Variants in NRXN1 observed in about 807,000 individuals in gnomAD.
NRXN1 encodes the protein neurexin 1, also known as neurexin-1.
In NRXN1, 39 loss-of-function variants were observed where a neutral mutation model predicts 150.9. The observed-to-expected ratio is 0.26, with a 90% CI of 0.20 to 0.34. The LOEUF (loss-of-function observed/expected upper bound fraction) is 0.34, where lower values mean the gene tolerates loss of function less well. Among genes scored for constraint, NRXN1 ranks in the 10% least tolerant of loss-of-function variants. The probability of loss-of-function intolerance (pLI) is 1.00; values close to 1 mark genes in which losing one functional copy is unlikely to be tolerated. For missense variants in NRXN1, 1,815 were observed against 1,949.9 expected, an observed-to-expected ratio of 0.93 and a Z score of 1.30; for synonymous variants, 924 against 757.0, an observed-to-expected ratio of 1.22 and a Z score of -3.62.
chr2:50,912,212 G>C (rs1454132158), intron 5 of NRXN1: 1 of 151,798 alleles, frequency 6.6e-6, no homozygotes, highest in Non-Finnish European at 1.5e-5. Context: ...CTGGGGGAAG[G>C]AGTGATCTCT....
At chr2:50,881,870 T>C (rs1454909006) in intron 5 of NRXN1, among the ~76,000 whole-genome samples, 1 of 151,782 alleles carries the variant, frequency 6.6e-6, no homozygotes, top group East Asian at 1.9e-4. Flanking sequence ...CAGGAGTTAA[T>C]GGAGTTTGCC....
intron 12 of NRXN1, among the ~76,000 whole-genome samples, chr2:50,513,918 G>A (rs373507558): frequency 2.4e-4 from 37 of 152,230 alleles, no homozygotes; most frequent in African/African-American, 8.4e-4. Context: ...CCTTTAGGTA[G>A]CTTTCTCCCT....
At chr2:50,001,662 C>A (rs562668822) in intron 21 of NRXN1, among the ~76,000 whole-genome samples, 2 of 152,024 alleles carry the variant, frequency 1.3e-5, no homozygotes, top group East Asian at 3.9e-4. Context: ...AAGGTAAAAA[C>A]GAAATGGGTT....
intron 17 of NRXN1, among the ~76,000 whole-genome samples, chr2:50,286,103 T>C (rs966651822): frequency 1.3e-5 from 2 of 152,176 alleles, no homozygotes; most frequent in African/African-American, 4.8e-5. Context: ...CTAGCCAATT[T>C]ACATGTTACC....
At chr2:50,271,373 G>A (rs947153607) in intron 17 of NRXN1, among the ~76,000 whole-genome samples, 3 of 152,168 alleles carry the variant, frequency 2.0e-5, no homozygotes, top group Non-Finnish European at 4.4e-5. Flanking sequence ...AGTGATAATT[G>A]TCATATTCCT....
At chr2:50,684,781 T>C (rs557911535) in intron 5 of NRXN1, among the ~76,000 whole-genome samples, 1 of 152,326 alleles carries the variant, frequency 6.6e-6, no homozygotes, top group African/African-American at 2.4e-5. Flanking sequence ...CCCTGAAATC[T>C]TACTTTCCCT....
At chr2:50,195,252 C>T (rs1465913775) in intron 18 of NRXN1, among the ~76,000 whole-genome samples, 1 of 152,120 alleles carries the variant, frequency 6.6e-6, no homozygotes, top group Non-Finnish European at 1.5e-5. Flanking sequence ...TGGGTCCAAG[C>T]GAACCTCATC....
At chr2:50,578,616 C>T (rs114405145) in intron 8 of NRXN1, among the ~76,000 whole-genome samples, 2,159 of 152,134 alleles carry the variant, frequency 0.014, 30 homozygotes, top group Middle Eastern at 0.058. Flanking sequence ...TGTAGCTGTG[C>T]ATGTGTGTAT....
At chr2:50,890,815 T>C (rs1680933438) in intron 5 of NRXN1, among the ~76,000 whole-genome samples, 1 of 151,978 alleles carries the variant, frequency 6.6e-6, no homozygotes, top group African/African-American at 2.4e-5. Flanking sequence ...ACGACTGTAG[T>C]GAAACAACTG....
intron 17 of NRXN1, among the ~76,000 whole-genome samples, chr2:50,450,264 T>C (rs543987816): frequency 6.6e-6 from 1 of 152,304 alleles, no homozygotes; most frequent in South Asian, 2.1e-4. Context: ...CACACAATTG[T>C]GCCTTTCCTC....
At chr2:50,459,913 C>A (rs2087987190) in intron 17 of NRXN1, among the ~76,000 whole-genome samples, 1 of 152,032 alleles carries the variant, frequency 6.6e-6, no homozygotes, top group Non-Finnish European at 1.5e-5. Flanking sequence ...CCCCATCCTG[C>A]CTTGATTCTG....
At chr2:50,519,852 C>G (rs1054411214) in intron 12 of NRXN1, among the ~76,000 whole-genome samples, 1 of 151,828 alleles carries the variant, frequency 6.6e-6, no homozygotes, top group Non-Finnish European at 1.5e-5. Context: ...TTTTTCCTCC[C>G]TATTATATGT....
At chr2:49,997,278 T>G (rs573915843) in intron 21 of NRXN1, among the ~76,000 whole-genome samples, 2 of 152,166 alleles carry the variant, frequency 1.3e-5, no homozygotes, top group Non-Finnish European at 2.9e-5. Flanking sequence ...AGTGTGACTA[T>G]TGACCATTGG....
chr2:50,683,646 A>AAAAAAAAAAAAAAAAAAATAT, intron 5 of NRXN1, among the ~76,000 whole-genome samples: 2 of 14,906 alleles, frequency 1.3e-4, no homozygotes, highest in African/African-American at 7.2e-4. Context: ...AAAAAAAAAA[A>AAAAAAAAAAAAAAAAAAATAT]ATATATATAT....
intron 5 of NRXN1, among the ~76,000 whole-genome samples, chr2:50,627,493 T>C (rs1401445748): frequency 6.6e-6 from 1 of 151,474 alleles, no homozygotes; most frequent in African/African-American, 2.4e-5. Context: ...GCTGGGACTA[T>C]TGGTTATCTA....
At chr2:49,939,516 T>C (rs1671610766) in intron 22 of NRXN1, among the ~76,000 whole-genome samples, 1 of 152,214 alleles carries the variant, frequency 6.6e-6, no homozygotes, top group Non-Finnish European at 1.5e-5. Context: ...ATGCTAACTG[T>C]GCAGGACAGT....
chr2:50,067,947 T>A (rs2152660070), intron 19 of NRXN1, among the ~76,000 whole-genome samples: 1 of 152,306 alleles, frequency 6.6e-6, no homozygotes, highest in East Asian at 1.9e-4. Context: ...ATTTCTACAC[T>A]CCATTATCAG....
At chr2:49,994,529 T>C (rs989872930) in intron 21 of NRXN1, among the ~76,000 whole-genome samples, 1 of 152,160 alleles carries the variant, frequency 6.6e-6, no homozygotes, top group Non-Finnish European at 1.5e-5. Context: ...TTAGAGTATA[T>C]TTAAACTACA....
intron 2 of NRXN1, among the ~76,000 whole-genome samples, chr2:50,958,913 C>A (rs1692705194): frequency 1.3e-5 from 2 of 152,100 alleles, no homozygotes; most frequent in South Asian, 4.1e-4. Context: ...TGTTTCCAAA[C>A]ATTAAACTAA....
Sources: allele counts gnomAD v4.1 joint callset (sites outside exome capture counted in the v4.1 genomes callset), GRCh38; gene constraint gnomAD v4.1.1; transcripts MANE v1.5; gene names NCBI Gene and HGNC (gene_info 2026-07-23, HGNC 2026-07-21).